ASIP: variants seen among roughly 807,000 people sequenced by gnomAD.
ASIP encodes agouti-signaling protein.
A neutral mutation model predicts 10.3 loss-of-function variants in ASIP; 11 were observed. That is an observed-to-expected ratio of 1.07 (90% CI 0.68 to 1.78). The LOEUF is 1.78. Ranked by LOEUF, ASIP falls within the 40% of genes most tolerant of loss-of-function variation. The pLI, the probability that ASIP is intolerant of heterozygous loss-of-function variation, is 0.00. For synonymous variants in ASIP, 70 were observed against 70.8 expected, an observed-to-expected ratio of 0.99 and a Z score of 0.06; for missense variants, 180 against 169.2, an observed-to-expected ratio of 1.06 and a Z score of -0.35.
the ASIP span, among the ~76,000 whole-genome samples, chr20:34,186,934 C>T: frequency 6.6e-6 from 1 of 152,168 alleles, no homozygotes; most frequent in Admixed American, 6.5e-5. Context: ...CTGCCTCAGC[C>T]TCCTGAGTAG....
intron 3 of ASIP, among the ~76,000 whole-genome samples, chr20:34,266,776 G>A (rs1190331594): frequency 2.6e-5 from 4 of 152,170 alleles, no homozygotes; most frequent in Non-Finnish European, 1.5e-5. Flanking sequence ...GAAAAAGATT[G>A]AAAAAAGAAT....
chr20:34,215,646 G>A (rs2122555696), intron 1 of ASIP: 1 of 1,465,544 alleles, frequency 6.8e-7, no homozygotes, highest in East Asian at 2.3e-5. Context: ...CATGATATGA[G>A]CGTCTCCCTA....
intron 1 of ASIP, chr20:34,215,393 T>C: frequency 6.4e-7 from 1 of 1,564,774 alleles, no homozygotes; most frequent in South Asian, 1.1e-5. Context: ...AGAGTATTCC[T>C]GTGAGCCTCC....
intron 1 of ASIP, chr20:34,215,741 T>C (rs2035003866): frequency 6.8e-7 from 1 of 1,471,742 alleles, no homozygotes; most frequent in Non-Finnish European, 9.5e-7. Flanking sequence ...AAACTTTACA[T>C]GATCATCACT....
intron 1 of ASIP, among the ~76,000 whole-genome samples, chr20:34,220,956 T>TTTTTTTTTTTTTTTTTTTTTCTTTTTA (rs2035042948): frequency 7.1e-6 from 1 of 141,626 alleles, no homozygotes; most frequent in Non-Finnish European, 1.5e-5. Context: ...TTTCCTTCTT[T>TTTTTTTTTTTTTTTTTTTTTCTTTTTA]TTTTTTTTTT....
intron 1 of ASIP, chr20:34,214,511 G>A: frequency 6.6e-7 from 1 of 1,506,020 alleles, no homozygotes; most frequent in Non-Finnish European, 9.2e-7. Flanking sequence ...AACATATACA[G>A]CAATCTTATT....
intron 1 of ASIP, among the ~76,000 whole-genome samples, chr20:34,243,245 G>T (rs936990357): frequency 2.0e-5 from 3 of 152,176 alleles, no homozygotes; most frequent in Non-Finnish European, 2.9e-5. Context: ...CCCTCAGGCA[G>T]TCTGGGCCTG....
chr20:34,258,609 T>C (rs564046521), intron 1 of ASIP, among the ~76,000 whole-genome samples: 224 of 130,240 alleles, frequency 1.7e-3, no homozygotes, highest in Middle Eastern at 0.01. Context: ...TGAGAAAATA[T>C]AAAGCTGGAA....
At chr20:34,267,184 T>G (rs968690677) in intron 3 of ASIP, among the ~76,000 whole-genome samples, 4 of 152,200 alleles carry the variant, frequency 2.6e-5, no homozygotes, top group Non-Finnish European at 4.4e-5. Flanking sequence ...GGAGTTTACA[T>G]TCTTGTGGAG....
chr20:34,268,991 A>G lies in ASIP; in HGVS notation c.223A>G (p.Lys75Glu), dbSNP rs538816237. The change falls in exon 4 of 4, where the codon AAG becomes GAG. Residue 75 changes from lysine to glutamate, a missense_variant and splice_region_variant. Lys to Glu is a moderately conservative substitution (Grantham distance 56). Transcript: ENST00000374954. ...TAAAGCCCCGGCGTTTCCCACGCAG[A>G]AGGAGGCTTCGATGAAGAAAGTGGT... ...KAAEKKRSSK[K>E]EASMKKVVRP... 5.6e-6 allele frequency: 9 copies of G among 1,603,206 alleles called. No individual in the cohort carries two copies. The highest frequency in any genetic ancestry group is 4.5e-5 in the East Asian group (2 of 44,472).
At chr20:34,237,364 G>A (rs1482787922), upstream of ASIP, among the ~76,000 whole-genome samples, 1 of 152,032 alleles carries the variant, frequency 6.6e-6, no homozygotes, top group East Asian at 1.9e-4. Flanking sequence ...TTCTATAGTT[G>A]TCATTGTACA....
intron 1 of ASIP, among the ~76,000 whole-genome samples, chr20:34,258,771 T>TACA: frequency 1.1e-5 from 1 of 88,444 alleles, no homozygotes; most frequent in African/African-American, 6.1e-5. Context: ...ATATATATAA[T>TACA]ATATATAGTA....
chr20:34,188,194 C>T, the ASIP span, among the ~76,000 whole-genome samples: 1 of 152,216 alleles, frequency 6.6e-6, no homozygotes, highest in Non-Finnish European at 1.5e-5. Context: ...CGAAATTATA[C>T]GCAAGATGGT....
chr20:34,230,777 C>CTG lies in ASIP; in HGVS notation c.-10-29588_-10-29587insTG, dbSNP rs757315785. ...GGCTGGCCTGGCCGGGGCTGACCCC[C>CTG]CCGCACCTCCCTCCCGGACGGGGTG... On this transcript the variant is annotated intron_variant, in intron 1 of 3. Coordinates refer to the ASIP transcript ENST00000568305. Among the ~76,000 whole-genome samples, 63 of 44,574 alleles carry CTG rather than the reference C, an allele frequency of 1.4e-3. 11 individuals are homozygous for CTG. Among genetic ancestry groups the CTG allele is most frequent in the Admixed American group, 4.0e-3 (18 of 4,540 alleles). The allele number at this position is 44,574 out of a possible 152,430, so 29.2% of individuals were successfully genotyped here.
chr20:34,192,870 T>C (rs1260007317), upstream of ASIP, among the ~76,000 whole-genome samples: 1 of 152,200 alleles, frequency 6.6e-6, no homozygotes. Context: ...CATGTGATAT[T>C]TTCATACATG....
chr20:34,224,027 CG>C (rs2035075410), intron 1 of ASIP, among the ~76,000 whole-genome samples: 1 of 123,910 alleles, frequency 8.1e-6, no homozygotes, highest in African/African-American at 3.1e-5. Flanking sequence ...GCAGCATGCT[CG>C]TTAAGAGTCA....
intron 1 of ASIP, among the ~76,000 whole-genome samples, chr20:34,204,669 T>C (rs1423448620): frequency 6.6e-6 from 1 of 152,154 alleles, no homozygotes; most frequent in Non-Finnish European, 1.5e-5. Context: ...GTTGCTGGAG[T>C]TTACTTTTTG....
At position 34,197,313 on chromosome 20, in the gene ASIP, A is replaced by G. The variant is rs150483453; in HGVS notation, c.-11+2553A>G. On this transcript the variant is annotated intron_variant, in intron 1 of 3. Coordinates refer to the ASIP transcript ENST00000568305. ...GAGGCGGGGGTTGCGGTGAGCAGAG[A>G]TCGTGCCACTGCACTCTAGCCTGGG... Among the ~76,000 whole-genome samples the G allele has an allele frequency of 8.3e-3, 1,271 of 152,284 alleles. 14 individuals are homozygous for G. Among genetic ancestry groups the G allele is most frequent in the Non-Finnish European group, 0.014 (969 of 68,026 alleles).
intron 1 of ASIP, among the ~76,000 whole-genome samples, chr20:34,257,464 A>C (rs1256896767): frequency 6.6e-6 from 1 of 152,222 alleles, no homozygotes; most frequent in Non-Finnish European, 1.5e-5. Flanking sequence ...TGGTCTTTTT[A>C]GCAACAATCA....
Sources: gnomAD v4.1 joint callset for allele counts (sites outside exome capture counted in the v4.1 genomes callset) on GRCh38, gnomAD v4.1.1 for gene constraint, MANE v1.5 for transcripts, NCBI Gene and HGNC (gene_info 2026-07-23, HGNC 2026-07-21) for gene names.